Variants in NAV3 observed in about 807,000 individuals in gnomAD.
NAV3 encodes pore membrane and/or filament interacting like protein 1.
In NAV3, 87 loss-of-function variants were observed where a neutral mutation model predicts 244.7. That is an observed-to-expected ratio of 0.36 (90% confidence interval 0.30 to 0.42). The LOEUF (loss-of-function observed/expected upper bound fraction) is 0.42, where lower values mean the gene tolerates loss of function less well. NAV3 is among the 20% of genes least tolerant of loss of function. The pLI is 1.00. For synonymous variants in NAV3, 1,126 were observed against 1,042.2 expected, an observed-to-expected ratio of 1.08 and a Z score of -1.55; for missense variants, 2,663 against 2,893.3, an observed-to-expected ratio of 0.92 and a Z score of 1.83.
intron 39 of NAV3, among the ~76,000 whole-genome samples, chr12:78,207,692 A>G (rs916148507): frequency 2.0e-5 from 3 of 152,202 alleles, no homozygotes; most frequent in Non-Finnish European, 1.5e-5. Flanking sequence ...TTAGGGAACT[A>G]TACACCAGTT....
At chr12:77,637,630 A>C (rs1213766502) in intron 2 of NAV3, among the ~76,000 whole-genome samples, 1 of 152,186 alleles carries the variant, frequency 6.6e-6, no homozygotes, top group African/African-American at 2.4e-5. Context: ...TGAGGCATAA[A>C]AATTAGCTCC....
chr12:78,142,502 G>T (rs1273818441), intron 20 of NAV3, among the ~76,000 whole-genome samples: 4 of 151,692 alleles, frequency 2.6e-5, no homozygotes, highest in Non-Finnish European at 5.9e-5. Context: ...GTGCCTAGCA[G>T]CTACTAGATT....
At chr12:77,776,234 T>A (rs1464662393) in intron 2 of NAV3, among the ~76,000 whole-genome samples, 4 of 152,226 alleles carry the variant, frequency 2.6e-5, no homozygotes, top group African/African-American at 7.2e-5. Context: ...TAAAACATTT[T>A]AAAAACATGT....
chr12:77,607,912 T>C (rs936736119), intron 2 of NAV3, among the ~76,000 whole-genome samples: 1 of 152,158 alleles, frequency 6.6e-6, no homozygotes, highest in Non-Finnish European at 1.5e-5. Context: ...AATAAATGTT[T>C]ATGGGGATTA....
At chr12:78,047,639 A>AT (rs1882054297) in intron 9 of NAV3, among the ~76,000 whole-genome samples, 3 of 151,816 alleles carry the variant, frequency 2.0e-5, no homozygotes, top group South Asian at 4.2e-4. Flanking sequence ...TGCCCTTAAC[A>AT]TTTTTTCCTG....
At chr12:77,741,742 C>T (rs1293779598) in intron 2 of NAV3, among the ~76,000 whole-genome samples, 4 of 152,088 alleles carry the variant, frequency 2.6e-5, no homozygotes, top group Admixed American at 2.6e-4. Context: ...ATTGTAGACA[C>T]TGCTCAATAT....
intron 12 of NAV3, among the ~76,000 whole-genome samples, chr12:78,073,790 A>G (rs916498924): frequency 2.6e-5 from 4 of 152,326 alleles, no homozygotes; most frequent in Non-Finnish European, 5.9e-5. Context: ...ACTTCAAACT[A>G]TACTACAAGG....
At chr12:77,660,159 T>G (rs1431095213) in intron 2 of NAV3, among the ~76,000 whole-genome samples, 1 of 152,116 alleles carries the variant, frequency 6.6e-6, no homozygotes, top group Non-Finnish European at 1.5e-5. Context: ...TTATGGTGAT[T>G]AAATATATAA....
At chr12:77,718,810 A>C (rs1030670400) in intron 2 of NAV3, among the ~76,000 whole-genome samples, 1 of 151,936 alleles carries the variant, frequency 6.6e-6, no homozygotes, top group African/African-American at 2.4e-5. Flanking sequence ...GGCATGCACC[A>C]CCATGCCTAA....
chr12:77,798,085 C>T (rs979978622), intron 2 of NAV3, among the ~76,000 whole-genome samples: 4 of 151,512 alleles, frequency 2.6e-5, no homozygotes, highest in South Asian at 2.1e-4. Context: ...TTGCTTGAAC[C>T]GGGGATGTGG....
chr12:78,023,541 A>T (rs1369326746), intron 9 of NAV3, among the ~76,000 whole-genome samples: 1 of 152,218 alleles, frequency 6.6e-6, no homozygotes. Context: ...GAAAGAAAAC[A>T]GAAAATAAAT....
intron 1 of NAV3, among the ~76,000 whole-genome samples, chr12:77,885,158 T>C (rs1486017586): frequency 5.3e-5 from 8 of 152,082 alleles, no homozygotes; most frequent in Non-Finnish European, 8.8e-5. Context: ...AAATTATTCC[T>C]ATATGGGTTA....
At chr12:77,607,204 G>A (rs1239578047) in intron 2 of NAV3, among the ~76,000 whole-genome samples, 1 of 152,018 alleles carries the variant, frequency 6.6e-6, no homozygotes, top group East Asian at 1.9e-4. Context: ...TAATAACACT[G>A]GCTGTGTACA....
chr12:77,869,216 T>C (rs924547773), intron 1 of NAV3, among the ~76,000 whole-genome samples: 4 of 148,814 alleles, frequency 2.7e-5, no homozygotes, highest in Admixed American at 6.8e-5. Flanking sequence ...ATGAATTGCC[T>C]AACCTAAGCC....
intron 34 of NAV3, among the ~76,000 whole-genome samples, chr12:78,192,409 A>G (rs1425832220): frequency 6.7e-6 from 1 of 149,106 alleles, no homozygotes; most frequent in Non-Finnish European, 1.5e-5. Flanking sequence ...TTTTATTTTT[A>G]TTTATTTTTT....
chr12:77,910,045 A>C (rs527814145), intron 1 of NAV3, among the ~76,000 whole-genome samples: 8 of 152,174 alleles, frequency 5.3e-5, no homozygotes, highest in African/African-American at 1.9e-4. Context: ...CTCTCAAGGC[A>C]TACTTAAAAT....
intron 2 of NAV3, among the ~76,000 whole-genome samples, chr12:77,722,228 G>A (rs533768151): frequency 6.6e-6 from 1 of 152,074 alleles, no homozygotes; most frequent in Non-Finnish European, 1.5e-5. Flanking sequence ...GTGTTTGGTA[G>A]TATTTTCTAC....
chr12:78,108,239 T>C (rs955347297), intron 12 of NAV3, among the ~76,000 whole-genome samples: 12 of 152,134 alleles, frequency 7.9e-5, no homozygotes, highest in African/African-American at 2.7e-4. Context: ...ATGATGAGAT[T>C]AACCCAGCAA....
chr12:77,731,542 G>T (rs1282587776), intron 2 of NAV3, among the ~76,000 whole-genome samples: 1 of 151,702 alleles, frequency 6.6e-6, no homozygotes, highest in East Asian at 1.9e-4. Context: ...TTCTAGCCAG[G>T]GTATAAAAAC....
Sources: allele counts gnomAD v4.1 joint callset (sites outside exome capture counted in the v4.1 genomes callset), GRCh38; gene constraint gnomAD v4.1.1; transcripts MANE v1.5; gene names NCBI Gene and HGNC (gene_info 2026-07-23, HGNC 2026-07-21).